GLI3: variants seen among roughly 807,000 people sequenced by gnomAD.
The protein encoded by GLI3 is GLI family zinc finger 3.
A neutral mutation model predicts 100.8 loss-of-function variants in GLI3; 20 were observed. The ratio of observed to expected loss-of-function variants is 0.20; its 90% CI spans 0.14 to 0.29. GLI3 has a LOEUF of 0.29. Among genes scored for constraint, GLI3 ranks in the 10% least tolerant of loss-of-function variants. GLI3 has a pLI of 1.00. For missense variants in GLI3, 2,040 were observed against 2,128.5 expected (o/e 0.96, Z 0.82); for synonymous variants, 938 against 860.5 (o/e 1.09, Z -1.58).
At chr7:42,116,287 G>A (rs1021854699) in intron 3 of GLI3, among the ~76,000 whole-genome samples, 1 of 152,130 alleles carries the variant, frequency 6.6e-6, no homozygotes, top group Non-Finnish European at 1.5e-5. Context: ...ACGAGCTCAT[G>A]TGATTTAATT....
At chr7:42,186,985 G>A (rs1318012434) in intron 2 of GLI3, among the ~76,000 whole-genome samples, 1 of 152,086 alleles carries the variant, frequency 6.6e-6, no homozygotes, top group Non-Finnish European at 1.5e-5. Flanking sequence ...TGAGGCAGGA[G>A]GATTGCTTGA....
chr7:42,121,060 G>T (rs1011261772), intron 3 of GLI3, among the ~76,000 whole-genome samples: 2 of 152,174 alleles, frequency 1.3e-5, no homozygotes, highest in African/African-American at 4.8e-5. Context: ...GCTACTTTGG[G>T]TTTTAATTTG....
intron 1 of GLI3, among the ~76,000 whole-genome samples, chr7:42,224,557 T>C (rs1394102324): frequency 1.3e-5 from 2 of 152,198 alleles, no homozygotes; most frequent in East Asian, 1.9e-4. Context: ...GATTATCCAG[T>C]GTCATTCATT....
chr7:42,237,976 T>TCCGCCGCCGCCG (rs1206993639), upstream of GLI3: 223 of 146,088 alleles, frequency 1.5e-3, 1 homozygote, highest in East Asian at 6.3e-3. Context: ...CTCCCCGCCC[T>TCCGCCGCCGCCG]CCGCCGCCGC....
chr7:42,046,413 A>G (rs1784245371), intron 5 of GLI3, among the ~76,000 whole-genome samples: 2 of 152,210 alleles, frequency 1.3e-5, no homozygotes, highest in South Asian at 2.1e-4. Context: ...GGTATTTTAT[A>G]TTTGTTTCAT....
intron 4 of GLI3, among the ~76,000 whole-genome samples, chr7:42,055,677 A>C (rs1784445298): frequency 6.6e-6 from 1 of 152,108 alleles, no homozygotes; most frequent in Admixed American, 6.6e-5. Flanking sequence ...ATCAGCCCCC[A>C]GGCCCCTAGT....
chr7:42,170,231 G>A lies in GLI3; in HGVS notation c.125-21763C>T, dbSNP rs1427879031. Among the ~76,000 whole-genome samples, 21 of 139,094 alleles carry A rather than the reference G, an allele frequency of 1.5e-4. No homozygotes were observed. In the South Asian group the frequency reaches 2.8e-3, roughly 19 times the overall value. 91.3% of individuals were successfully genotyped at this position (139,094 alleles called of 152,430 possible). On this transcript the variant is annotated intron_variant, in intron 2 of 14. Coordinates refer to ENST00000395925, the MANE Select transcript of GLI3 (RefSeq NM_000168.6). ...TACAACACTGCACTCCAGCCTGGGC[G>A]ACAAAGCAAGACTGTGTTTCAAAAA...
intron 3 of GLI3, among the ~76,000 whole-genome samples, chr7:42,113,028 C>T (rs1785753134): frequency 6.6e-6 from 1 of 152,030 alleles, no homozygotes; most frequent in South Asian, 2.1e-4. Flanking sequence ...CAAAAATTAG[C>T]CGAGCATGGT....
intron 3 of GLI3, among the ~76,000 whole-genome samples, chr7:42,134,087 A>G (rs1423775887): frequency 6.6e-6 from 1 of 151,620 alleles, no homozygotes; most frequent in Non-Finnish European, 1.5e-5. Flanking sequence ...TCTCAAAAAA[A>G]AAAAAAAAGA....
chr7:42,045,283 C>G, intron 6 of GLI3, 101 bp downstream of exon 6: 1 of 1,173,812 alleles, frequency 8.5e-7, no homozygotes, highest in African/African-American at 1.5e-5. Flanking sequence ...TCCTCCAGAT[C>G]AAAAAGTTAC....
At chr7:42,142,763 T>C (rs1011499730) in intron 3 of GLI3, among the ~76,000 whole-genome samples, 2 of 149,156 alleles carry the variant, frequency 1.3e-5, no homozygotes, top group African/African-American at 5.0e-5. Flanking sequence ...ACCCCGTCTC[T>C]ACTAAAAAAT....
At chr7:42,039,772 A>G (rs1264371947) in intron 7 of GLI3, among the ~76,000 whole-genome samples, 1 of 152,230 alleles carries the variant, frequency 6.6e-6, no homozygotes, top group Non-Finnish European at 1.5e-5. Flanking sequence ...TACTGTCTCT[A>G]CGAAGTGGAT....
chr7:42,232,656 CTTTTT>C (rs1440925016), intron 1 of GLI3, among the ~76,000 whole-genome samples: 1 of 152,154 alleles, frequency 6.6e-6, no homozygotes, highest in Non-Finnish European at 1.5e-5. Context: ...TAAGTATTTT[CTTTTT>C]TAATTATGAC....
intron 7 of GLI3, among the ~76,000 whole-genome samples, chr7:42,030,542 A>G (rs936344692): frequency 6.6e-6 from 1 of 152,194 alleles, no homozygotes; most frequent in Non-Finnish European, 1.5e-5. Flanking sequence ...CAGCACTTCA[A>G]TGGCACAGGA....
intron 2 of GLI3, chr7:42,172,532 A>C (rs139003472): frequency 2.8e-6 from 2 of 702,546 alleles, no homozygotes; most frequent in Non-Finnish European, 5.2e-6. Flanking sequence ...AGGTAAATGT[A>C]TGGGTTTGTA....
At position 41,966,196 on chromosome 7, in the gene GLI3, C is replaced by A. The variant is rs775615275; in HGVS notation, c.2877G>T (p.Leu959=). ...CGCCAGGCTCGAGGGCATCCCCGAG[C>A]AGCGCCAGGCGCGTCTTCAGGCTCA... ...ERMSLKTRLA[L]LGDALEPGVA... The change falls in exon 15 of 15, where the codon CTG becomes CTT. Residue 959 remains leucine (L), a synonymous_variant. Transcript: ENST00000395925. The surrounding 1 kb of genome is among the most constrained non-coding windows in gnomAD (Gnocchi z 5.8). 1 of 1,605,842 alleles carries A rather than the reference C, an allele frequency of 6.2e-7. No homozygotes were observed. The highest frequency in any genetic ancestry group is 1.1e-5 in the South Asian group (1 of 90,578).
In GLI3 at chr7:42,033,083, C is replaced by G. The variant is rs74904286; in HGVS notation, c.1029-6671G>C. ...TCATCTCTGAAATCTCTCAATGACCCAGCGCGGTGTGCACAGAGCTGGGCA... is the reference window on the plus strand; with the variant it reads ...TCATCTCTGAAATCTCTCAATGACCGAGCGCGGTGTGCACAGAGCTGGGCA... On this transcript the variant is annotated intron_variant, in intron 7 of 14. Coordinates refer to ENST00000395925, the MANE Select transcript of GLI3 (RefSeq NM_000168.6). Among the ~76,000 whole-genome samples, 1,069 of 152,240 alleles carry G rather than the reference C, an allele frequency of 7.0e-3. 15 individuals carry two copies. Among genetic ancestry groups the G allele is most frequent in the African/African-American group, 0.024 (979 of 41,530 alleles).
chr7:42,002,717 A>G (rs949676920), intron 10 of GLI3, among the ~76,000 whole-genome samples: 1 of 152,212 alleles, frequency 6.6e-6, no homozygotes, highest in Non-Finnish European at 1.5e-5. Context: ...AACACTAATA[A>G]GCAAAATCTC....
At position 41,965,571 on chromosome 7, in the gene GLI3, C is replaced by T; in HGVS notation, c.3502G>A (p.Gly1168Arg). 1.2e-6 allele frequency: 2 copies of T among 1,604,930 alleles called. No homozygotes were observed. Among genetic ancestry groups the T allele is most frequent in the Non-Finnish European group, 1.7e-6 (2 of 1,172,778 alleles). ...TTGGAGGAGGACAGGTCGGCGCTTC[C>T]GGAGCTGACTTCGTTCCACTGAATG... Reference protein sequence around the residue: ...LPIQWNEVSSGSADLSSSKLK... With the variant: ...LPIQWNEVSSRSADLSSSKLK... Residue 1168 changes from glycine (G) to arginine (R), a missense_variant, in exon 15 of 15, where the codon GGA (glycine) becomes AGA (arginine). Physicochemically the swap from Gly to Arg is moderately radical, Grantham distance 125. Around this residue, in one of 5 missense-constraint regions of GLI3, gnomAD observed 1,041 missense variants for 924.0 expected, o/e 1.13. Coordinates refer to ENST00000395925, the MANE Select transcript of GLI3 (RefSeq NM_000168.6).
Sources: gnomAD v4.1 joint callset for allele counts (sites outside exome capture counted in the v4.1 genomes callset) on GRCh38, gnomAD v4.1.1 for gene constraint, gnomAD v4.1.1 regional missense constraint, Gnocchi (gnomAD v3.1) non-coding constraint, MANE v1.5 for transcripts, NCBI Gene and HGNC (gene_info 2026-07-23, HGNC 2026-07-21) for gene names.